PPFIBP2: variants seen among roughly 807,000 people sequenced by gnomAD.
PPFIBP2 encodes PPFIB scaffold protein 2, also known as liprin-beta-2.
Under a neutral mutation model 118.3 loss-of-function variants are expected in PPFIBP2, and 118 were observed. That is an observed-to-expected ratio of 1.00 (90% CI 0.86 to 1.16). The LOEUF (loss-of-function observed/expected upper bound fraction) is 1.16. Ranked by LOEUF, PPFIBP2 falls within the 50% of genes most tolerant of loss-of-function variation. The pLI, the probability that PPFIBP2 is intolerant of heterozygous loss-of-function variation, is 0.00. For synonymous variants in PPFIBP2, 414 were observed against 397.4 expected, an observed-to-expected ratio of 1.04 and a Z score of -0.50; for missense variants, 1,195 against 1,073.1, an observed-to-expected ratio of 1.11 and a Z score of -1.59.
chr11:7,665,317 A>AACTT, the PPFIBP2 span: 64 of 1,379,924 alleles, frequency 4.6e-5, no homozygotes, highest in Non-Finnish European at 5.7e-5. Context: ...GGTGAAATTG[A>AACTT]ACTTACTCTG....
At chr11:7,610,812 A>T (rs1847976183) in intron 6 of PPFIBP2, among the ~76,000 whole-genome samples, 1 of 152,196 alleles carries the variant, frequency 6.6e-6, no homozygotes, top group African/African-American at 2.4e-5. Flanking sequence ...GGAGTCTGGA[A>T]ACGTTTCTTG....
intron 1 of PPFIBP2, among the ~76,000 whole-genome samples, chr11:7,529,353 A>G (rs1447050629): frequency 3.3e-5 from 5 of 152,202 alleles, no homozygotes; most frequent in Non-Finnish European, 4.4e-5. Context: ...TCCATGAAAA[A>G]TGCATCTCAT....
chr11:7,546,793 C>T (rs187739214), intron 1 of PPFIBP2, among the ~76,000 whole-genome samples: 34 of 152,378 alleles, frequency 2.2e-4, no homozygotes, highest in African/African-American at 8.2e-4. Context: ...TTCTCCTCCT[C>T]ATCTTCTGAG....
intron 9 of PPFIBP2, among the ~76,000 whole-genome samples, chr11:7,629,080 T>C (rs75671694): frequency 0.15 from 22,626 of 152,202 alleles, 2,638 homozygotes; most frequent in African/African-American, 0.33. Flanking sequence ...AATGAGTATA[T>C]TGAGATAAAT....
chr11:7,532,647 G>A (rs904374340), intron 1 of PPFIBP2, among the ~76,000 whole-genome samples: 1 of 152,334 alleles, frequency 6.6e-6, no homozygotes, highest in South Asian at 2.1e-4. Context: ...GAACTCCAGT[G>A]AACACAGAGC....
At chr11:7,663,163 C>G in the PPFIBP2 span, among the ~76,000 whole-genome samples, 3 of 131,766 alleles carry the variant, frequency 2.3e-5, 1 homozygote, top group Non-Finnish European at 3.6e-5. Context: ...AAGTCATTCT[C>G]CATCCAGCTT....
chr11:7,553,118 T>C (rs1853180590), intron 2 of PPFIBP2, among the ~76,000 whole-genome samples: 1 of 152,344 alleles, frequency 6.6e-6, no homozygotes, highest in African/African-American at 2.4e-5. Context: ...TTAGGAGGTA[T>C]ACATATAGGT....
chr11:7,632,110 G>A (rs1004199692), intron 11 of PPFIBP2, among the ~76,000 whole-genome samples: 8 of 152,176 alleles, frequency 5.3e-5, no homozygotes, highest in South Asian at 2.1e-4. Flanking sequence ...CTGAAGACAC[G>A]GGACTGTATT....
At chr11:7,666,134 T>A in the PPFIBP2 span, 23 of 609,168 alleles carry the variant, frequency 3.8e-5, no homozygotes, top group South Asian at 4.2e-4. Flanking sequence ...AGTGCCCATA[T>A]TAGATGTGTA....
At chr11:7,589,545 A>G (rs1259250848) in intron 3 of PPFIBP2, among the ~76,000 whole-genome samples, 1 of 151,950 alleles carries the variant, frequency 6.6e-6, no homozygotes, top group Admixed American at 6.6e-5. Context: ...GTGAGCCTAG[A>G]TCGCACCACT....
intron 3 of PPFIBP2, among the ~76,000 whole-genome samples, chr11:7,570,335 A>G (rs1590289358): frequency 6.6e-6 from 1 of 152,224 alleles, no homozygotes; most frequent in Non-Finnish European, 1.5e-5. Context: ...CCCAGAAGAT[A>G]CCAGAGCCAG....
intron 3 of PPFIBP2, among the ~76,000 whole-genome samples, chr11:7,590,146 T>C (rs1227222558): frequency 6.6e-6 from 1 of 152,240 alleles, no homozygotes; most frequent in Non-Finnish European, 1.5e-5. Flanking sequence ...GACAATCCTC[T>C]TCTTGGCCCT....
At chr11:7,650,698 G>C (rs1201164285) in intron 21 of PPFIBP2, 142 bp from the exon 22 acceptor site, 2 of 760,676 alleles carry the variant, frequency 2.6e-6, no homozygotes, top group Non-Finnish European at 3.9e-6. Context: ...TGCTCTGGCA[G>C]ATGGGGTGGG....
the PPFIBP2 span, chr11:7,665,559 A>AGAT: frequency 1.9e-6 from 3 of 1,591,504 alleles, no homozygotes; most frequent in African/African-American, 4.0e-5. Flanking sequence ...GAAATGAAGG[A>AGAT]GATGCAGGAG....
chr11:7,527,795 G>A (rs981483785), intron 1 of PPFIBP2, among the ~76,000 whole-genome samples: 19 of 152,108 alleles, frequency 1.2e-4, no homozygotes, highest in Admixed American at 1.1e-3. Context: ...CATGAGTAAT[G>A]CCAATTAAGG....
At chr11:7,648,249 CATG>C in intron 17 of PPFIBP2, 135 bp from the exon 18 acceptor site, 1 of 939,562 alleles carries the variant, frequency 1.1e-6, no homozygotes, top group Non-Finnish European at 1.5e-6. Flanking sequence ...AGCAGAATCC[CATG>C]ATGGAGGTTG....
chr11:7,664,114 G>A, the PPFIBP2 span, among the ~76,000 whole-genome samples: 5 of 152,278 alleles, frequency 3.3e-5, no homozygotes, highest in South Asian at 2.1e-4. Context: ...CTTCTGCGTC[G>A]CTCACGCTGG....
chr11:7,620,270 C>T (rs561859764), intron 6 of PPFIBP2, among the ~76,000 whole-genome samples: 1 of 152,264 alleles, frequency 6.6e-6, no homozygotes, highest in South Asian at 2.1e-4. Flanking sequence ...CTTAACTTCC[C>T]AGCCTCATCT....
At chr11:7,651,635 T>A in intron 22 of PPFIBP2, 21 bp from the exon 23 acceptor site, 1 of 1,584,232 alleles carries the variant, frequency 6.3e-7, no homozygotes. Flanking sequence ...CTGGCCAGGC[T>A]TGTCTCTGGT....
Sources: allele counts gnomAD v4.1 joint callset (sites outside exome capture counted in the v4.1 genomes callset), GRCh38; gene constraint gnomAD v4.1.1; transcripts MANE v1.5; gene names NCBI Gene and HGNC (gene_info 2026-07-23, HGNC 2026-07-21).